LRRC56: variants seen among roughly 807,000 people sequenced by gnomAD.
LRRC56 encodes leucine rich repeat containing 56.
Under a neutral mutation model 47.8 loss-of-function variants are expected in LRRC56, and 41 were observed. The observed-to-expected ratio is 0.86, with a 90% CI of 0.67 to 1.11. The LOEUF (loss-of-function observed/expected upper bound fraction) is 1.11, where lower values mean the gene tolerates loss of function less well. LRRC56 is among the 50% of genes most tolerant of loss of function. The pLI, the probability that LRRC56 is intolerant of heterozygous loss-of-function variation, is 0.00. For synonymous variants in LRRC56, 387 were observed against 311.2 expected (o/e 1.24, Z -2.56); for missense variants, 759 against 704.2 (o/e 1.08, Z -0.88).
chr11:531,783 C>T, the LRRC56 span, among the ~76,000 whole-genome samples: 1 of 152,242 alleles, frequency 6.6e-6, no homozygotes, highest in African/African-American at 2.4e-5. Flanking sequence ...CGCTTCAGGC[C>T]ACAGAGCCGA....
chr11:513,962 ACTTT>A, the LRRC56 span, among the ~76,000 whole-genome samples: 2 of 152,000 alleles, frequency 1.3e-5, no homozygotes, highest in Non-Finnish European at 2.9e-5. Context: ...GATTGCTGGC[ACTTT>A]CTATCAGTAT....
chr11:533,094 C>A (rs554184181), upstream of LRRC56, among the ~76,000 whole-genome samples: 1 of 152,360 alleles, frequency 6.6e-6, no homozygotes, highest in South Asian at 2.1e-4. Context: ...CCAACAGGTG[C>A]CCGTGGGACA....
intron 3 of LRRC56, 59 bp from the exon 4 acceptor site, chr11:540,615 C>A: frequency 6.8e-7 from 1 of 1,481,418 alleles, no homozygotes; most frequent in Non-Finnish European, 9.2e-7. Context: ...GGGTCTCAGC[C>A]GGGCTGCAGA....
At chr11:547,573 C>T (rs1237683657) in intron 6 of LRRC56, among the ~76,000 whole-genome samples, 5 of 150,848 alleles carry the variant, frequency 3.3e-5, no homozygotes, top group African/African-American at 1.2e-4. Context: ...AGGATGGTCT[C>T]GATCTCCTGA....
chr11:524,631 CA>C, the LRRC56 span, among the ~76,000 whole-genome samples: 2 of 150,878 alleles, frequency 1.3e-5, no homozygotes, highest in African/African-American at 4.9e-5. Flanking sequence ...AACTCTGTCT[CA>C]AAAAAATAAA....
chr11:547,644 G>A (rs6598013), intron 6 of LRRC56, among the ~76,000 whole-genome samples: 17,639 of 151,776 alleles, frequency 0.12, 1,145 homozygotes, highest in Admixed American at 0.18. Flanking sequence ...GAGCCACCAC[G>A]CCCGGCCAGA....
the LRRC56 span, among the ~76,000 whole-genome samples, chr11:518,736 G>A: frequency 6.6e-6 from 1 of 152,202 alleles, no homozygotes; most frequent in East Asian, 1.9e-4. Flanking sequence ...CGCGGAACCG[G>A]ACGCCCAGGA....
Position 541,771 on chromosome 11 carries a change from T to A in LRRC56, c.265+147T>A. 1 of 542,168 alleles carries A rather than the reference T, an allele frequency of 1.8e-6. No homozygotes were observed. Among genetic ancestry groups the A allele is most frequent in the Non-Finnish European group, 3.2e-6 (1 of 308,490 alleles). The allele number at this position is 542,168 out of a possible 1,614,324, so 33.6% of individuals were successfully genotyped here. A position where few individuals can be genotyped will look rare whatever the true frequency, so the allele number is the denominator to read the frequency against. On this transcript the variant is annotated intron_variant, in intron 5 of 13. Coordinates refer to ENST00000270115, the MANE Select transcript of LRRC56 (RefSeq NM_198075.4). The surrounding 1 kb of genome is among the most constrained non-coding windows in gnomAD (Gnocchi z 4.1). ...TAGGGTTGGCCTCTGACCTGAGGTC[T>A]GTGTCAGGTACAGGCAGAGGGCAAT...
At chr11:530,056 G>A in the LRRC56 span, among the ~76,000 whole-genome samples, 2 of 152,118 alleles carry the variant, frequency 1.3e-5, no homozygotes, top group Admixed American at 6.5e-5. Context: ...TGGTTCCCGT[G>A]CTGGAACTCC....
chr11:527,888 G>T, the LRRC56 span, among the ~76,000 whole-genome samples: 10 of 152,004 alleles, frequency 6.6e-5, no homozygotes, highest in Non-Finnish European at 1.2e-4. Flanking sequence ...TTTTAGTAGA[G>T]ACAGGGTTTC....
chr11:536,087 G>A (rs1312026141), upstream of LRRC56, among the ~76,000 whole-genome samples: 3 of 152,210 alleles, frequency 2.0e-5, no homozygotes, highest in Non-Finnish European at 2.9e-5. Flanking sequence ...GAGCGGCCGC[G>A]CACCCCACCT....
At chr11:525,455 C>T in the LRRC56 span, among the ~76,000 whole-genome samples, 8 of 151,636 alleles carry the variant, frequency 5.3e-5, no homozygotes, top group South Asian at 2.1e-4. Flanking sequence ...AGGAGAATGG[C>T]GTGAACCCAG....
intron 5 of LRRC56, among the ~76,000 whole-genome samples, chr11:542,517 G>A (rs1315786416): frequency 1.4e-5 from 2 of 145,874 alleles, no homozygotes; most frequent in Non-Finnish European, 3.0e-5. Flanking sequence ...GGGAGGTCAA[G>A]CTGCAGTGAG....
chr11:522,487 C>T, the LRRC56 span, among the ~76,000 whole-genome samples: 5 of 152,092 alleles, frequency 3.3e-5, no homozygotes, highest in Admixed American at 1.3e-4. Context: ...AGGATACTCT[C>T]GATCTCCTGA....
At chr11:515,730 C>G in the LRRC56 span, among the ~76,000 whole-genome samples, 1 of 152,150 alleles carries the variant, frequency 6.6e-6, no homozygotes, top group East Asian at 1.9e-4. Context: ...CCCAGCTACT[C>G]CAGAGGCTGA....
chr11:552,085 C>T lies in LRRC56; in HGVS notation c.1039-5C>T. The T allele has an allele frequency of 6.2e-7, 1 of 1,609,332 alleles. No individual in the cohort carries two copies. Among genetic ancestry groups the T allele is most frequent in the Non-Finnish European group, 8.5e-7 (1 of 1,177,338 alleles). The stretch of plus-strand genomic sequence containing the variant: ...ATCCCTAAAGCAGTCCCTTTTCCTC[C>T]CCAGGCCAGGGAGCCCCCCGAGCAG... On this transcript the variant is annotated splice_polypyrimidine_tract_variant and splice_region_variant and intron_variant, in intron 11 of 13. Coordinates refer to ENST00000270115, the MANE Select transcript of LRRC56 (RefSeq NM_198075.4).
In LRRC56 at chr11:540,881, G is replaced by A; in HGVS notation, c.177+20G>A. ...CGGCTGGTGAGTGTGGGCGCTGGGGGCTGTGGCCACAGAGGCCTCCGTGGG... is the reference window on the plus strand; with the variant it reads ...CGGCTGGTGAGTGTGGGCGCTGGGGACTGTGGCCACAGAGGCCTCCGTGGG... On this transcript the variant is annotated intron_variant, in intron 4 of 13. Coordinates refer to ENST00000270115, the MANE Select transcript of LRRC56 (RefSeq NM_198075.4). The A allele has an allele frequency of 6.6e-7, 1 of 1,522,780 alleles. No homozygotes were observed. Among genetic ancestry groups the A allele is most frequent in the South Asian group, 1.2e-5 (1 of 82,256 alleles). 94.3% of individuals were successfully genotyped at this position (1,522,780 alleles called of 1,614,324 possible). A position where few individuals can be genotyped will look rare whatever the true frequency, so the allele number is the denominator to read the frequency against.
In LRRC56 at chr11:554,234, C is replaced by T. The variant is rs368365417; in HGVS notation, c.1587C>T (p.Pro529=). ...KPAPDAAARP[P]RAAELSHPSP... ...CACCAGATGCAGCAGCTAGACCTCC[C>T]AGGGCAGCTGAACTCTCTCACCCCA... is the stretch of plus-strand genomic sequence containing the variant. Residue 529 remains proline (P), a synonymous_variant, in exon 14 of 14, where the codon CCC becomes CCT. Coordinates refer to ENST00000270115, the MANE Select transcript of LRRC56 (RefSeq NM_198075.4). 3.3e-6 allele frequency: 5 copies of T among 1,514,848 alleles called. No individual in the cohort carries two copies. The highest frequency in any genetic ancestry group is 1.4e-5 in the African/African-American group (1 of 72,318). 93.8% of individuals were successfully genotyped at this position (1,514,848 alleles called of 1,614,324 possible).
chr11:552,804 G>A, intron 13 of LRRC56, 102 bp downstream of exon 13: 1 of 999,796 alleles, frequency 1.0e-6, no homozygotes, highest in Non-Finnish European at 1.5e-6. Context: ...ACCTGGCCCT[G>A]CTTCCTCAGC....
Sources: gnomAD v4.1 joint callset for allele counts (sites outside exome capture counted in the v4.1 genomes callset) on GRCh38, gnomAD v4.1.1 for gene constraint, Gnocchi (gnomAD v3.1) non-coding constraint, MANE v1.5 for transcripts, NCBI Gene and HGNC (gene_info 2026-07-23, HGNC 2026-07-21) for gene names.